Variants in LYSMD1 observed in about 807,000 individuals in gnomAD.
LYSMD1 encodes the protein LysM domain containing 1, also known as lysM and putative peptidoglycan-binding domain-containing protein 1.
In LYSMD1, 9 loss-of-function variants were observed where a neutral mutation model predicts 19.3. That is an observed-to-expected ratio of 0.47 (90% confidence interval 0.28 to 0.81). The LOEUF is 0.81. Ranked by LOEUF, LYSMD1 falls within the 40% of genes least tolerant of loss-of-function variation. LYSMD1 has a pLI of 0.11. For missense variants in LYSMD1, 262 were observed against 279.8 expected (o/e 0.94, Z 0.45); for synonymous variants, 111 against 111.7 (o/e 0.99, Z 0.04).
chr1:151,152,283 G>C, the LYSMD1 span, among the ~76,000 whole-genome samples: 1 of 152,072 alleles, frequency 6.6e-6, no homozygotes, highest in Non-Finnish European at 1.5e-5. Flanking sequence ...TGTAATCCCA[G>C]CTACTCAGGA....
the LYSMD1 span, among the ~76,000 whole-genome samples, chr1:151,154,161 G>C: frequency 6.6e-6 from 1 of 152,152 alleles, no homozygotes; most frequent in African/African-American, 2.4e-5. Flanking sequence ...GATAATCTGA[G>C]CTTAGTGGGT....
At chr1:151,158,195 T>C (rs587626386), downstream of LYSMD1, among the ~76,000 whole-genome samples, 1 of 151,906 alleles carries the variant, frequency 6.6e-6, no homozygotes, top group East Asian at 1.9e-4. Context: ...TGGTGGTGGG[T>C]GCCTGTAATC....
downstream of LYSMD1, among the ~76,000 whole-genome samples, chr1:151,155,048 C>T (rs1050021363): frequency 6.6e-6 from 1 of 152,220 alleles, no homozygotes; most frequent in African/African-American, 2.4e-5. Flanking sequence ...TCATGAGCCA[C>T]CGCGCCCGGC....
At chr1:151,161,601 T>C (rs1683459973) in intron 2 of LYSMD1, 135 bp downstream of exon 2, 2 of 1,161,280 alleles carry the variant, frequency 1.7e-6, no homozygotes, top group East Asian at 2.4e-5. Context: ...GCTCATTATC[T>C]TGGGGCCACA....
downstream of LYSMD1, among the ~76,000 whole-genome samples, chr1:151,158,295 C>T (rs1218432114): frequency 6.6e-6 from 1 of 151,174 alleles, no homozygotes; most frequent in South Asian, 2.1e-4. Flanking sequence ...TGCACTCCAG[C>T]CTGGGTGACA....
At position 151,161,026 on chromosome 1, in the gene LYSMD1, A is replaced by G. The variant is rs373227267; in HGVS notation, c.546-6T>C. On this transcript the variant is annotated splice_polypyrimidine_tract_variant and splice_region_variant and intron_variant, in intron 2 of 2. Transcript: ENST00000368908. ...CTGCATCCTCCCCAGGTACCCTGCA[A>G]TTGAGGAAAGGGGGGAAAGAGTGAC... 2.4e-5 allele frequency: 38 copies of G among 1,613,286 alleles called. No individual in the cohort carries two copies. Among genetic ancestry groups the G allele is most frequent in the Middle Eastern group, 3.3e-4 (2 of 6,076 alleles).
chr1:151,165,737 T>C lies in LYSMD1; in HGVS notation c.-479A>G, dbSNP rs973562005. ...GAAGAGCGTGAGGATTGCAAGAATT[T>C]GTAGTACACCTTCCACTCAGAGATC... On this transcript the variant is annotated 5_prime_UTR_variant, in exon 1 of 3. Transcript: ENST00000368908. 6 of 1,551,526 alleles carry C rather than the reference T, an allele frequency of 3.9e-6. No homozygotes were observed. In the African/African-American group the frequency reaches 8.2e-5, roughly 21 times the overall value.
the LYSMD1 span, among the ~76,000 whole-genome samples, chr1:151,150,598 C>G: frequency 3.0e-4 from 45 of 152,256 alleles, no homozygotes; most frequent in South Asian, 6.2e-4. Flanking sequence ...TTGACTCCCC[C>G]CTCCTTGAAA....
In LYSMD1 at chr1:151,165,520, C is replaced by G; in HGVS notation, c.-262G>C. The G allele has an allele frequency of 1.4e-6, 2 of 1,445,860 alleles. No individual in the cohort carries two copies. Among genetic ancestry groups the G allele is most frequent in the South Asian group, 1.5e-5 (1 of 68,104 alleles). The allele number at this position is 1,445,860 out of a possible 1,614,324, so 89.6% of individuals were successfully genotyped here. A position where few individuals can be genotyped will look rare whatever the true frequency, so the allele number is the denominator to read the frequency against. On this transcript the variant is annotated 5_prime_UTR_variant, in exon 1 of 3. Coordinates refer to ENST00000368908, the MANE Select transcript of LYSMD1 (RefSeq NM_212551.5). ...AAGCACCCCTCCGACTTTGGACTCC[C>G]CCACAACTCCTCGCTACATTGACCT... is the stretch of plus-strand genomic sequence containing the variant.
chr1:151,159,606 T>C (rs1351875516), downstream of LYSMD1: 1 of 254,860 alleles, frequency 3.9e-6, no homozygotes, highest in Non-Finnish European at 8.4e-6. Context: ...GAGAACCCCT[T>C]TGGGGATACT....
At chr1:151,161,559 T>C (rs1476127629) in intron 2 of LYSMD1, among the ~76,000 whole-genome samples, 177 bp downstream of exon 2, 2 of 152,026 alleles carry the variant, frequency 1.3e-5, no homozygotes, top group Non-Finnish European at 2.9e-5. Flanking sequence ...AGTTTTCCAC[T>C]GCCTCTACCC....
intron 1 of LYSMD1, 123 bp from the exon 2 acceptor site, chr1:151,162,223 G>C: frequency 1.1e-6 from 1 of 933,294 alleles, no homozygotes; most frequent in Non-Finnish European, 1.6e-6. Flanking sequence ...AAGTACAAAG[G>C]GCTGACATTA....
downstream of LYSMD1, among the ~76,000 whole-genome samples, chr1:151,155,593 C>G (rs1261455212): frequency 6.6e-6 from 1 of 152,056 alleles, no homozygotes; most frequent in Non-Finnish European, 1.5e-5. Context: ...TTGTGAGCCT[C>G]TGGTCCCAGC....
chr1:151,165,144 G>T lies in LYSMD1; in HGVS notation c.115C>A (p.Arg39Ser). ...CCGGGCTCCAACTGATGCTCCAGGC[G>T]TCTTTCCCTCACTGGGGAGCAGGCC... ...QSACSPVRER[R>S]LEHQLEPGDT... Residue 39 changes from arginine (R) to serine (S), a missense_variant, in exon 1 of 3, where the codon CGC (arginine) becomes AGC (serine). Arg to Ser is a moderately radical substitution (Grantham distance 110). Transcript: ENST00000368908. 1 of 1,614,158 alleles carries T rather than the reference G, an allele frequency of 6.2e-7. No homozygotes were observed. Among genetic ancestry groups the T allele is most frequent in the South Asian group, 1.1e-5 (1 of 91,084 alleles).
chr1:151,161,662 T>G, intron 2 of LYSMD1, 74 bp downstream of exon 2: 1 of 1,543,450 alleles, frequency 6.5e-7, no homozygotes. Context: ...TACTTACTTG[T>G]GTTTGTGGTT....
downstream of LYSMD1, among the ~76,000 whole-genome samples, chr1:151,157,938 A>T (rs1394313878): frequency 6.6e-6 from 1 of 152,206 alleles, no homozygotes; most frequent in Non-Finnish European, 1.5e-5. Flanking sequence ...TACTTAATGT[A>T]AGTATCATTT....
chr1:151,157,867 T>G (rs1683276550), downstream of LYSMD1, among the ~76,000 whole-genome samples: 1 of 152,236 alleles, frequency 6.6e-6, no homozygotes, highest in Non-Finnish European at 1.5e-5. Context: ...GGAAGTATAG[T>G]GCACTAGCTG....
chr1:151,165,504 T>A lies in LYSMD1; in HGVS notation c.-246A>T, dbSNP rs747548688. On this transcript the variant is annotated 5_prime_UTR_variant, in exon 1 of 3. Coordinates refer to ENST00000368908, the MANE Select transcript of LYSMD1 (RefSeq NM_212551.5). ...TCCCTAATTCTCCCCTAAGCACCCC[T>A]CCGACTTTGGACTCCCCCACAACTC... is the stretch of plus-strand genomic sequence containing the variant. 2 of 1,434,708 alleles carry A rather than the reference T, an allele frequency of 1.4e-6. No homozygotes were observed. The highest frequency in any genetic ancestry group is 1.8e-6 in the Non-Finnish European group (2 of 1,099,874). 88.9% of individuals were successfully genotyped at this position (1,434,708 alleles called of 1,614,324 possible). A position where few individuals can be genotyped will look rare whatever the true frequency, so the allele number is the denominator to read the frequency against.
chr1:151,158,678 T>C (rs757329826), downstream of LYSMD1: 23 of 1,554,842 alleles, frequency 1.5e-5, no homozygotes, highest in Admixed American at 2.0e-5. Context: ...ACTGACCACA[T>C]ACCCCACTCT....
Sources: gnomAD v4.1 joint callset for allele counts (sites outside exome capture counted in the v4.1 genomes callset) on GRCh38, gnomAD v4.1.1 for gene constraint, MANE v1.5 for transcripts, NCBI Gene and HGNC (gene_info 2026-07-23, HGNC 2026-07-21) for gene names.